DOCK3: variants seen among roughly 807,000 people sequenced by gnomAD.
The protein encoded by DOCK3 is dedicator of cytokinesis 3.
Under a neutral mutation model 265.6 loss-of-function variants are expected in DOCK3, and 60 were observed. The observed-to-expected ratio is 0.23, with a 90% confidence interval of 0.18 to 0.28. DOCK3 has a LOEUF of 0.28. DOCK3 is among the 10% of genes least tolerant of loss of function. The probability of loss-of-function intolerance (pLI) is 1.00; values close to 1 mark genes in which losing one functional copy is unlikely to be tolerated. For synonymous variants in DOCK3, 881 were observed against 938.0 expected (o/e 0.94, Z 1.11); for missense variants, 1,981 against 2,594.3 (o/e 0.76, Z 5.14).
chr3:50,967,233 T>C (rs1296024140), intron 5 of DOCK3, among the ~76,000 whole-genome samples: 5 of 152,188 alleles, frequency 3.3e-5, no homozygotes, highest in Non-Finnish European at 5.9e-5. Flanking sequence ...TGAGATCCAC[T>C]TTTTTAGCTC....
intron 32 of DOCK3, among the ~76,000 whole-genome samples, chr3:51,320,427 TG>T (rs1224758715): frequency 6.6e-6 from 1 of 151,758 alleles, no homozygotes; most frequent in African/African-American, 2.4e-5. Flanking sequence ...GTTTTGTTTT[TG>T]TTTTTTTTTT....
intron 32 of DOCK3, among the ~76,000 whole-genome samples, chr3:51,317,571 C>T (rs980900582): frequency 1.5e-5 from 2 of 132,148 alleles, no homozygotes; most frequent in African/African-American, 5.8e-5. Context: ...CAGAGCGAGA[C>T]TCCATCACAA....
At chr3:51,282,670 GA>G (rs2081192952) in intron 27 of DOCK3, among the ~76,000 whole-genome samples, 1 of 82,764 alleles carries the variant, frequency 1.2e-5, no homozygotes, top group Non-Finnish European at 2.7e-5. Flanking sequence ...AAAAAAAAAA[GA>G]AAAGAAAAGA....
chr3:51,252,919 G>C (rs973513277), intron 22 of DOCK3, among the ~76,000 whole-genome samples: 1 of 152,222 alleles, frequency 6.6e-6, no homozygotes, highest in African/African-American at 2.4e-5. Flanking sequence ...AGTGGTGAGA[G>C]AGGGCATCCC....
intron 4 of DOCK3, among the ~76,000 whole-genome samples, chr3:50,905,493 T>G (rs893758241): frequency 2.2e-4 from 33 of 151,978 alleles, no homozygotes; most frequent in Admixed American, 3.9e-4. Context: ...TTGTAAGTTG[T>G]ATTCCTAGGT....
intron 22 of DOCK3, among the ~76,000 whole-genome samples, chr3:51,253,383 C>T (rs371875577): frequency 2.6e-5 from 4 of 152,038 alleles, no homozygotes; most frequent in African/African-American, 7.2e-5. Flanking sequence ...TCTCATAAAA[C>T]GAGTTAGGGA....
At chr3:51,139,589 A>G (rs910587659) in intron 9 of DOCK3, among the ~76,000 whole-genome samples, 4 of 152,212 alleles carry the variant, frequency 2.6e-5, no homozygotes, top group Non-Finnish European at 5.9e-5. Flanking sequence ...TCTTAGAAGT[A>G]CTAGAGGTAC....
In DOCK3 at chr3:51,338,927, T is replaced by C; in HGVS notation, c.3673-8T>C. The C allele has an allele frequency of 6.3e-7, 1 of 1,594,074 alleles. No individual in the cohort carries two copies. The highest frequency in any genetic ancestry group is 8.6e-7 in the Non-Finnish European group (1 of 1,169,292). ...TAGTTGACAGGTGTTTCCTTCTCTT[T>C]ATTGTAGAATTTTTACAAATCTGAG... On this transcript the variant is annotated splice_region_variant and splice_polypyrimidine_tract_variant and intron_variant, in intron 36 of 52. Coordinates refer to ENST00000266037, the MANE Select transcript of DOCK3 (RefSeq NM_004947.5).
At chr3:50,940,533 T>C (rs938240239) in intron 5 of DOCK3, among the ~76,000 whole-genome samples, 3 of 152,218 alleles carry the variant, frequency 2.0e-5, no homozygotes, top group African/African-American at 7.2e-5. Context: ...CTTTTAGATA[T>C]AGACAAGCTG....
intron 28 of DOCK3, among the ~76,000 whole-genome samples, chr3:51,311,378 TC>T (rs1454701330): frequency 1.3e-5 from 2 of 152,168 alleles, no homozygotes; most frequent in African/African-American, 4.8e-5. Context: ...CCACTAGACT[TC>T]CTCTCCACTT....
At position 51,014,653 on chromosome 3, in the gene DOCK3, A is replaced by G. The variant is rs2079083308; in HGVS notation, c.316-49795A>G. The stretch of plus-strand genomic sequence containing the variant: ...TATTCTGTGTCTTTTGCGGTTCCAT[A>G]CAGATGTTAGGATTGTTTTTTCTAT... On this transcript the variant is annotated intron_variant, in intron 5 of 52. Coordinates refer to ENST00000266037, the MANE Select transcript of DOCK3 (RefSeq NM_004947.5). Among the ~76,000 whole-genome samples the G allele has an allele frequency of 2.0e-5, 3 of 151,998 alleles. No homozygotes were observed. The South Asian group carries it at 6.2e-4, about 32-fold the overall frequency.
At chr3:51,158,988 T>C (rs1191718627) in intron 10 of DOCK3, among the ~76,000 whole-genome samples, 4 of 152,240 alleles carry the variant, frequency 2.6e-5, no homozygotes, top group Non-Finnish European at 4.4e-5. Flanking sequence ...ATGTGAGAAC[T>C]TTTATAGACT....
At position 51,380,923 on chromosome 3, in the gene DOCK3, G is replaced by C. The variant is rs1281410048; in HGVS notation, c.5584-127G>C. ...GAGGAGCTGGGAGCTTGCTGCTGAAGAAACAAGAAACATGCTGTTGATGAG... is the reference window on the plus strand; with the variant it reads ...GAGGAGCTGGGAGCTTGCTGCTGAACAAACAAGAAACATGCTGTTGATGAG... On this transcript the variant is annotated intron_variant, in intron 52 of 52. Transcript: ENST00000266037. 12 of 1,253,432 alleles carry C rather than the reference G, an allele frequency of 9.6e-6. No homozygotes were observed. The East Asian group carries it at 2.4e-4, about 25-fold the overall frequency. The allele number at this position is 1,253,432 out of a possible 1,614,324, so 77.6% of individuals were successfully genotyped here.
At chr3:50,698,517 G>GTTTTTTTTTTTTTGTTTTTTTTTTTTT (rs2035797286) in intron 1 of DOCK3, among the ~76,000 whole-genome samples, 1 of 19,506 alleles carries the variant, frequency 5.1e-5, no homozygotes, top group Non-Finnish European at 1.2e-4. Flanking sequence ...TATGTTTTTG[G>GTTTTTTTTTTTTTGTTTTTTTTTTTTT]TTTTTTTTTT....
chr3:51,271,750 CTGAGGCAGGA>C (rs1438230988), intron 24 of DOCK3, among the ~76,000 whole-genome samples: 3 of 151,336 alleles, frequency 2.0e-5, no homozygotes, highest in African/African-American at 7.3e-5. Flanking sequence ...ACTCAGGAGT[CTGAGGCAGGA>C]GAATTGCTCG....
chr3:50,692,656 A>G (rs1308134902), intron 1 of DOCK3, among the ~76,000 whole-genome samples: 3 of 152,124 alleles, frequency 2.0e-5, no homozygotes, highest in African/African-American at 7.2e-5. Flanking sequence ...TGGTTTGCAA[A>G]TATTTTCTCT....
At chr3:51,045,200 C>T (rs1171344529) in intron 5 of DOCK3, among the ~76,000 whole-genome samples, 1 of 152,094 alleles carries the variant, frequency 6.6e-6, no homozygotes, top group Non-Finnish European at 1.5e-5. Flanking sequence ...TCCCCTTCAA[C>T]ACTTAGAGGC....
chr3:50,843,227 G>T (rs958530464), intron 3 of DOCK3, among the ~76,000 whole-genome samples: 1 of 152,180 alleles, frequency 6.6e-6, no homozygotes, highest in Non-Finnish European at 1.5e-5. Flanking sequence ...TGGGTAGCCA[G>T]TTATTCTGGG....
At chr3:51,121,536 TG>T (rs1444292412) in intron 9 of DOCK3, among the ~76,000 whole-genome samples, 1 of 152,140 alleles carries the variant, frequency 6.6e-6, no homozygotes, top group Non-Finnish European at 1.5e-5. Flanking sequence ...GATTGCTCAG[TG>T]GGGCATTATT....
Sources: allele counts gnomAD v4.1 joint callset (sites outside exome capture counted in the v4.1 genomes callset), GRCh38; gene constraint gnomAD v4.1.1; transcripts MANE v1.5; gene names NCBI Gene and HGNC (gene_info 2026-07-23, HGNC 2026-07-21).